The following ARB2A variants were observed in gnomAD, a reference collection of about 807,000 sequenced individuals.
ARB2A encodes the protein ARB2 cotranscriptional regulator A.
the ARB2A span, among the ~76,000 whole-genome samples, chr5:93,887,028 T>C: frequency 6.6e-6 from 1 of 151,776 alleles, no homozygotes; most frequent in Non-Finnish European, 1.5e-5. Context: ...CAAAAAGTTT[T>C]CAGAGGACCA....
At chr5:93,754,038 C>T in the ARB2A span, among the ~76,000 whole-genome samples, 1 of 152,168 alleles carries the variant, frequency 6.6e-6, no homozygotes, top group Admixed American at 6.5e-5. Flanking sequence ...GTAACCTTGT[C>T]TGTGATGCCT....
the ARB2A span, among the ~76,000 whole-genome samples, chr5:93,785,312 G>A: frequency 6.6e-6 from 1 of 152,064 alleles, no homozygotes; most frequent in Non-Finnish European, 1.5e-5. Flanking sequence ...TATAAAAATT[G>A]CAGTTAAAAT....
At chr5:93,854,968 T>C in the ARB2A span, among the ~76,000 whole-genome samples, 1 of 152,196 alleles carries the variant, frequency 6.6e-6, no homozygotes, top group South Asian at 2.1e-4. Context: ...TAGATGTCTA[T>C]TAGGTCTGCA....
the ARB2A span, among the ~76,000 whole-genome samples, chr5:93,841,669 C>A: frequency 6.6e-6 from 1 of 152,150 alleles, no homozygotes; most frequent in Non-Finnish European, 1.5e-5. Context: ...GAATTCAAAC[C>A]TAGGTAGTCT....
At chr5:93,951,750 G>A in the ARB2A span, among the ~76,000 whole-genome samples, 1 of 152,174 alleles carries the variant, frequency 6.6e-6, no homozygotes, top group Admixed American at 6.5e-5. Context: ...GTGAAGTCAA[G>A]TGAAGTGGCT....
At chr5:93,739,693 A>G in the ARB2A span, 1 of 152,192 alleles carries the variant, frequency 6.6e-6, no homozygotes, top group African/African-American at 2.4e-5. Flanking sequence ...TTTGACGTTT[A>G]ATGGCAAAAA....
the ARB2A span, among the ~76,000 whole-genome samples, chr5:93,760,873 G>T: frequency 2.6e-5 from 4 of 152,162 alleles, no homozygotes; most frequent in African/African-American, 9.7e-5. Flanking sequence ...ACCCAAAAGC[G>T]AATGCAATAA....
At chr5:93,631,522 A>G in the ARB2A span, among the ~76,000 whole-genome samples, 1 of 152,216 alleles carries the variant, frequency 6.6e-6, no homozygotes, top group South Asian at 2.1e-4. Context: ...AAAGGATTTT[A>G]AGTTAGCACA....
the ARB2A span, among the ~76,000 whole-genome samples, chr5:93,901,883 G>A: frequency 3.0e-4 from 46 of 152,184 alleles, no homozygotes; most frequent in East Asian, 5.0e-3. Flanking sequence ...ATGAACATAT[G>A]AAAGATGACA....
At chr5:93,620,878 C>G in the ARB2A span, 1 of 1,464,516 alleles carries the variant, frequency 6.8e-7, no homozygotes, top group Non-Finnish European at 9.2e-7. Context: ...ACCCTGGGCT[C>G]TGGGAAGAAA....
At chr5:93,924,411 T>C in the ARB2A span, among the ~76,000 whole-genome samples, 1 of 152,154 alleles carries the variant, frequency 6.6e-6, no homozygotes, top group East Asian at 1.9e-4. Flanking sequence ...ACCAGATAAA[T>C]GGAAGTGAAT....
At chr5:93,960,088 C>A in the ARB2A span, among the ~76,000 whole-genome samples, 1 of 144,742 alleles carries the variant, frequency 6.9e-6, no homozygotes, top group Non-Finnish European at 1.5e-5. Flanking sequence ...GATGCCCCCC[C>A]CCCCCCCAAA....
At chr5:93,971,727 G>A in the ARB2A span, among the ~76,000 whole-genome samples, 9 of 151,974 alleles carry the variant, frequency 5.9e-5, no homozygotes, top group African/African-American at 2.2e-4. Flanking sequence ...AGAGGCAGAG[G>A]CTTCAAGATC....
chr5:93,978,203 G>A, the ARB2A span, among the ~76,000 whole-genome samples: 5 of 152,088 alleles, frequency 3.3e-5, no homozygotes. Context: ...AAAGCAGTTT[G>A]TTGATTTCTG....
chr5:93,820,243 G>A, the ARB2A span, among the ~76,000 whole-genome samples: 1 of 152,102 alleles, frequency 6.6e-6, no homozygotes, highest in African/African-American at 2.4e-5. Flanking sequence ...CACTGCAAAC[G>A]GGGAAGGTAA....
At chr5:93,709,762 T>C in the ARB2A span, among the ~76,000 whole-genome samples, 525 of 151,904 alleles carry the variant, frequency 3.5e-3, 2 homozygotes, top group Non-Finnish European at 5.5e-3. Context: ...ATTAGAACCA[T>C]AGTCTAGTTG....
At chr5:93,741,766 GA>G in the ARB2A span, 2 of 544,840 alleles carry the variant, frequency 3.7e-6, no homozygotes, top group Non-Finnish European at 6.2e-6. Context: ...CCCCTACCCT[GA>G]CCTTTGCTTC....
the ARB2A span, among the ~76,000 whole-genome samples, chr5:93,823,549 A>G: frequency 5.3e-5 from 8 of 152,214 alleles, no homozygotes; most frequent in Non-Finnish European, 1.2e-4. Flanking sequence ...CACTTTATAG[A>G]TAACATAAGA....
At chr5:93,752,671 T>A in the ARB2A span, among the ~76,000 whole-genome samples, 1 of 152,142 alleles carries the variant, frequency 6.6e-6, no homozygotes, top group Non-Finnish European at 1.5e-5. Context: ...ATGAAATATA[T>A]ATACTCAGGG....
Sources: gnomAD v4.1 joint callset for allele counts (sites outside exome capture counted in the v4.1 genomes callset) on GRCh38, gnomAD v4.1.1 for gene constraint, MANE v1.5 for transcripts, NCBI Gene and HGNC (gene_info 2026-07-23, HGNC 2026-07-21) for gene names.